Variants in CDC25A observed in about 807,000 individuals in gnomAD.
CDC25A encodes M-phase inducer phosphatase 1.
A neutral mutation model predicts 64.6 loss-of-function variants in CDC25A; 17 were observed. That is an observed-to-expected ratio of 0.26 (90% CI 0.18 to 0.39). CDC25A has a LOEUF of 0.39. CDC25A is among the 10% of genes least tolerant of loss of function. CDC25A has a pLI of 1.00. For synonymous variants in CDC25A, 229 were observed against 238.6 expected, an observed-to-expected ratio of 0.96 and a Z score of 0.37; for missense variants, 473 against 654.8, an observed-to-expected ratio of 0.72 and a Z score of 3.03.
At chr3:48,171,217 C>T (rs2032256485) in intron 9 of CDC25A, among the ~76,000 whole-genome samples, 1 of 151,016 alleles carries the variant, frequency 6.6e-6, no homozygotes, top group African/African-American at 2.4e-5. Flanking sequence ...ACTAAAAATA[C>T]AAAAAAAATT....
intron 9 of CDC25A, among the ~76,000 whole-genome samples, chr3:48,173,522 CAAT>C (rs1422624312): frequency 2.6e-5 from 4 of 152,216 alleles, no homozygotes; most frequent in African/African-American, 9.6e-5. Context: ...GACTTTTAGA[CAAT>C]AATCATTCTA....
chr3:48,160,222 C>T (rs1192734499), intron 13 of CDC25A, among the ~76,000 whole-genome samples: 1 of 152,124 alleles, frequency 6.6e-6, no homozygotes, highest in Non-Finnish European at 1.5e-5. Context: ...AAGCAATTCT[C>T]CTGCCTCAGC....
intron 1 of CDC25A, 92 bp from the exon 2 acceptor site, chr3:48,186,871 A>G (rs569945084): frequency 1.2e-6 from 1 of 865,052 alleles, no homozygotes; most frequent in East Asian, 2.7e-5. Flanking sequence ...AGAAGCAGCC[A>G]GGCTGCCAGA....
Position 48,183,104 on chromosome 3 carries a change from A to C in CDC25A, c.328-74T>G. 4.9e-6 allele frequency: 5 copies of C among 1,027,048 alleles called. No individual in the cohort carries two copies. In the South Asian group the frequency reaches 6.5e-5, roughly 13 times the overall value. 63.6% of individuals were successfully genotyped at this position (1,027,048 alleles called of 1,614,324 possible). On this transcript the variant is annotated intron_variant, in intron 4 of 14. Coordinates refer to ENST00000302506, the MANE Select transcript of CDC25A (RefSeq NM_001789.3). ...AGTGGAAAATTCAGTTCTCAAAAGA[A>C]AAAAAAGGGGGGTTGAATAGGGGGT...
At chr3:48,182,698 C>G (rs544316867) in intron 5 of CDC25A, among the ~76,000 whole-genome samples, 1 of 152,324 alleles carries the variant, frequency 6.6e-6, no homozygotes, top group East Asian at 1.9e-4. Flanking sequence ...CACAACATCC[C>G]TAAAAGGTAT....
rs778482044 is a variant in CDC25A, at chr3:48,180,753, T to G, written c.517A>C (p.Thr173Pro). ...GCTGGGGCAGAGTTCTGCCTCTGTG[T>G]GAAGAGATCTTTACCCTCCTGGAGT... ...HGLQEGKDLFTQRQNSAPARM... is the reference protein window; with the variant it reads ...HGLQEGKDLFPQRQNSAPARM... The change falls in exon 6 of 15, where the codon ACA becomes CCA. Residue 173 changes from threonine to proline, a missense_variant. Coordinates refer to ENST00000302506, the MANE Select transcript of CDC25A (RefSeq NM_001789.3). The G allele has an allele frequency of 1.9e-6, 3 of 1,614,158 alleles. No individual in the cohort carries two copies. Among genetic ancestry groups the G allele is most frequent in the East Asian group, 2.2e-5 (1 of 44,884 alleles).
At chr3:48,162,992 G>T (rs1393069883) in intron 13 of CDC25A, among the ~76,000 whole-genome samples, 1 of 151,818 alleles carries the variant, frequency 6.6e-6, no homozygotes, top group African/African-American at 2.4e-5. Context: ...CTCAAAATTT[G>T]AAATTTCTGC....
At chr3:48,180,584 T>C in intron 6 of CDC25A, 137 bp downstream of exon 6, 1 of 872,492 alleles carries the variant, frequency 1.1e-6, no homozygotes. Flanking sequence ...CAAGAATGCT[T>C]GACAGTCTAA....
chr3:48,182,847 A>G, intron 5 of CDC25A, 82 bp downstream of exon 5: 1 of 894,426 alleles, frequency 1.1e-6, no homozygotes, highest in Admixed American at 1.8e-5. Context: ...GTCTCCCAGA[A>G]AGCAGCCCAG....
At chr3:48,187,750 G>C in intron 1 of CDC25A, 28 bp downstream of exon 1, 2 of 1,526,828 alleles carry the variant, frequency 1.3e-6, no homozygotes, top group Non-Finnish European at 1.8e-6. Context: ...CCAGGGGCCC[G>C]GAGCACCGCC....
At chr3:48,180,985 C>T in intron 5 of CDC25A, 145 bp from the exon 6 acceptor site, 1 of 667,788 alleles carries the variant, frequency 1.5e-6, no homozygotes, top group Non-Finnish European at 2.5e-6. Flanking sequence ...ATCTGCGTAA[C>T]TAAGAATTTC....
chr3:48,164,429 C>T lies in CDC25A; in HGVS notation c.1200G>A (p.Val400=). Residue 400 remains valine, a synonymous_variant, in exon 13 of 15, where the codon GTG becomes GTA. Transcript: ENST00000302506. ...EYEGGHIKGA[V]NLHMEEEVED... ...CAACCTCTTCTTCCATGTGCAAGTTCACTGCACCCTGTGAAGACAACAGAG... is the reference window on the plus strand; with the variant it reads ...CAACCTCTTCTTCCATGTGCAAGTTTACTGCACCCTGTGAAGACAACAGAG... 2 of 1,578,826 alleles carry T rather than the reference C, an allele frequency of 1.3e-6. No homozygotes were observed. Among genetic ancestry groups the T allele is most frequent in the East Asian group, 2.3e-5 (1 of 42,842 alleles).
Position 48,186,569 on chromosome 3 carries a change from C to CAACA in CDC25A, c.247+133_247+134insTGTT, listed in dbSNP as rs1349578490. ...GGGCGACAAGAGCGAAACTCTGTCT[C>CAACA]AAAAAAAAAAAAAAAAAAGTTTATC... is the stretch of plus-strand genomic sequence containing the variant. On this transcript the variant is annotated intron_variant, in intron 2 of 14. Transcript: ENST00000302506. The CAACA allele has an allele frequency of 9.6e-5, 37 of 384,502 alleles. No homozygotes were observed. In the African/African-American group the frequency reaches 1.2e-3, roughly 12 times the overall value. 23.8% of individuals were successfully genotyped at this position (384,502 alleles called of 1,614,324 possible).
rs1215303318 is a variant in CDC25A, at chr3:48,158,954, C to T, written c.1566G>A (p.Lys522=). Residue 522 remains lysine, a synonymous_variant, in exon 15 of 15, where the codon AAG becomes AAA. Coordinates refer to ENST00000302506, the MANE Select transcript of CDC25A (RefSeq NM_001789.3). ...GCTGGTCCTGCCGCCCTCAGAGCTT[C>T]TTCAGACGACTGTACATCTCCCTCT... is the stretch of plus-strand genomic sequence containing the variant. ...KSKREMYSRL[K]KL The T allele has an allele frequency of 6.8e-6, 11 of 1,613,994 alleles. No individual in the cohort carries two copies. The highest frequency in any genetic ancestry group is 2.7e-5 in the African/African-American group (2 of 74,910).
chr3:48,160,748 G>A (rs557422790), intron 13 of CDC25A, among the ~76,000 whole-genome samples: 1 of 152,258 alleles, frequency 6.6e-6, no homozygotes, highest in East Asian at 1.9e-4. Flanking sequence ...AGAGCCAAGA[G>A]TATCTGCTGA....
intron 12 of CDC25A, 150 bp downstream of exon 12, chr3:48,165,486 G>A (rs1053076342): frequency 2.4e-5 from 15 of 613,980 alleles, no homozygotes; most frequent in East Asian, 1.1e-4. Flanking sequence ...AAGAGCACCC[G>A]GAATCAAATG....
intron 7 of CDC25A, 90 bp from the exon 8 acceptor site, chr3:48,177,532 C>A: frequency 3.2e-6 from 3 of 945,602 alleles, no homozygotes; most frequent in Admixed American, 2.0e-5. Flanking sequence ...CTGAACAATA[C>A]CAGATAGGCC....
chr3:48,185,055 T>A (rs1338916297), intron 2 of CDC25A, among the ~76,000 whole-genome samples: 1 of 152,148 alleles, frequency 6.6e-6, no homozygotes, highest in Non-Finnish European at 1.5e-5. Flanking sequence ...AAACAATAGG[T>A]ACCAGATTTT....
rs2031587255 is a variant in CDC25A, at chr3:48,157,978, C to T, written c.*967G>A. 6.6e-6 allele frequency: 1 copy of T among 152,266 alleles called. No homozygotes were observed. The highest frequency in any genetic ancestry group is 1.5e-5 in the Non-Finnish European group (1 of 68,072). The allele number at this position is 152,266 out of a possible 1,614,324, so 9.4% of individuals were successfully genotyped here. A position where few individuals can be genotyped will look rare whatever the true frequency, so the allele number is the denominator to read the frequency against. On this transcript the variant is annotated 3_prime_UTR_variant, in exon 15 of 15. Coordinates refer to ENST00000302506, the MANE Select transcript of CDC25A (RefSeq NM_001789.3). ...AGATACTCAGTGGACATGCTCCTCCCCCATCCTGTGGAGCCCACCTACCCC... is the reference window on the plus strand; with the variant it reads ...AGATACTCAGTGGACATGCTCCTCCTCCATCCTGTGGAGCCCACCTACCCC...
Sources: gnomAD v4.1 joint callset for allele counts (sites outside exome capture counted in the v4.1 genomes callset) on GRCh38, gnomAD v4.1.1 for gene constraint, MANE v1.5 for transcripts, NCBI Gene and HGNC (gene_info 2026-07-23, HGNC 2026-07-21) for gene names.